DGLUCY: variants seen among roughly 807,000 people sequenced by gnomAD.
DGLUCY encodes the protein D-glutamate cyclase, mitochondrial.
DGLUCY carries 58 observed loss-of-function variants against 58.5 expected under a neutral mutation model. The observed-to-expected ratio is 0.99, with a 90% CI of 0.80 to 1.23. The LOEUF is 1.23. Ranked by LOEUF, DGLUCY falls within the 50% of genes most tolerant of loss-of-function variation. DGLUCY has a pLI of 0.00. For synonymous variants in DGLUCY, 325 were observed against 314.1 expected, an observed-to-expected ratio of 1.03 and a Z score of -0.37; for missense variants, 779 against 784.7, an observed-to-expected ratio of 0.99 and a Z score of 0.09.
At chr14:91,197,055 C>T (rs1220358164) in intron 10 of DGLUCY, among the ~76,000 whole-genome samples, 1 of 152,162 alleles carries the variant, frequency 6.6e-6, no homozygotes, top group Non-Finnish European at 1.5e-5. Context: ...CAACCTCCGC[C>T]TCCCAGGTGC....
chr14:91,193,714 C>T (rs10137485), intron 9 of DGLUCY, among the ~76,000 whole-genome samples: 3,134 of 152,056 alleles, frequency 0.021, 123 homozygotes, highest in African/African-American at 0.071. Flanking sequence ...TGGTGGCACG[C>T]GCCTGTAGTC....
chr14:91,188,845 A>T, intron 8 of DGLUCY, 65 bp from the exon 9 acceptor site: 1 of 1,478,600 alleles, frequency 6.8e-7, no homozygotes, highest in Non-Finnish European at 9.1e-7. Context: ...ATAAATACAT[A>T]CATACATACA....
intron 8 of DGLUCY, among the ~76,000 whole-genome samples, chr14:91,186,053 G>A (rs1299523083): frequency 2.6e-5 from 4 of 152,076 alleles, no homozygotes; most frequent in African/African-American, 9.7e-5. Flanking sequence ...TGCATTTGAG[G>A]TGCCTGGGGA....
intron 12 of DGLUCY, among the ~76,000 whole-genome samples, chr14:91,207,073 A>G (rs1180234966): frequency 6.9e-6 from 1 of 145,248 alleles, no homozygotes; most frequent in Non-Finnish European, 1.5e-5. Flanking sequence ...GTGGGAGGAG[A>G]ACTTGAGCCC....
intron 1 of DGLUCY, among the ~76,000 whole-genome samples, chr14:91,069,043 T>A (rs2043873142): frequency 6.6e-6 from 1 of 152,226 alleles, no homozygotes; most frequent in South Asian, 2.1e-4. Context: ...TGAAGAGTCA[T>A]TGAGTTATAT....
chr14:91,108,726 T>A (rs2044645181), intron 1 of DGLUCY, among the ~76,000 whole-genome samples: 1 of 152,026 alleles, frequency 6.6e-6, no homozygotes, highest in African/African-American at 2.4e-5. Flanking sequence ...TCAGTAGAGA[T>A]GAGGTTTCAC....
intron 1 of DGLUCY, among the ~76,000 whole-genome samples, chr14:91,142,336 T>C (rs1013708883): frequency 2.0e-5 from 3 of 151,938 alleles, no homozygotes; most frequent in African/African-American, 7.3e-5. Flanking sequence ...CACTCCAGGG[T>C]CCTGGAGAGC....
intron 1 of DGLUCY, among the ~76,000 whole-genome samples, chr14:91,068,154 C>T (rs933287140): frequency 1.3e-5 from 2 of 151,694 alleles, no homozygotes; most frequent in African/African-American, 4.8e-5. Context: ...GCGAAGGGGG[C>T]AGCAGCAAGT....
At chr14:91,084,188 A>G (rs994585784) in intron 1 of DGLUCY, among the ~76,000 whole-genome samples, 23 of 146,006 alleles carry the variant, frequency 1.6e-4, no homozygotes, top group Admixed American at 5.5e-4. Flanking sequence ...AGTTCTCTCC[A>G]CCATCATCTG....
chr14:91,094,255 T>C (rs945183372), intron 1 of DGLUCY, among the ~76,000 whole-genome samples: 3 of 151,298 alleles, frequency 2.0e-5, no homozygotes, highest in African/African-American at 7.3e-5. Context: ...GCCAATATGG[T>C]GAAACCCTGT....
At chr14:91,214,212 T>C (rs1237611110) in intron 12 of DGLUCY, among the ~76,000 whole-genome samples, 2 of 152,094 alleles carry the variant, frequency 1.3e-5, no homozygotes, top group African/African-American at 2.4e-5. Flanking sequence ...ATCTCAGTCA[T>C]AGTGGCCCGT....
intron 9 of DGLUCY, among the ~76,000 whole-genome samples, chr14:91,194,324 C>A (rs546072148): frequency 6.6e-6 from 1 of 152,184 alleles, no homozygotes; most frequent in South Asian, 2.1e-4. Context: ...TAAGTTCAGC[C>A]CCCTTTCCAG....
At chr14:91,170,305 C>A in intron 5 of DGLUCY, 104 bp downstream of exon 5, 1 of 1,266,310 alleles carries the variant, frequency 7.9e-7, no homozygotes, top group East Asian at 2.5e-5. Flanking sequence ...AGGTGGAAAA[C>A]CTAAGCTCCA....
chr14:91,205,358 T>C (rs947957961), intron 12 of DGLUCY, among the ~76,000 whole-genome samples: 4 of 152,106 alleles, frequency 2.6e-5, no homozygotes, highest in African/African-American at 9.7e-5. Context: ...CTACTGTTGC[T>C]CCTCTCCCGC....
intron 1 of DGLUCY, among the ~76,000 whole-genome samples, chr14:91,062,374 C>T (rs890955315): frequency 6.6e-6 from 1 of 150,902 alleles, no homozygotes; most frequent in African/African-American, 2.4e-5. Flanking sequence ...TGGCAAAACC[C>T]TGAATCTACT....
intron 1 of DGLUCY, among the ~76,000 whole-genome samples, chr14:91,079,338 T>G (rs2044085859): frequency 1.3e-5 from 2 of 152,010 alleles, no homozygotes; most frequent in Admixed American, 6.6e-5. Context: ...TAAACATTGT[T>G]TCTTTCTTTT....
At chr14:91,126,396 G>T in intron 1 of DGLUCY, 1 of 72,182 alleles carries the variant, frequency 1.4e-5, no homozygotes, top group Non-Finnish European at 2.5e-5. Context: ...CTCCTGTCAT[G>T]TCTGTGCCTT....
chr14:91,151,648 C>G (rs554525751), intron 1 of DGLUCY, among the ~76,000 whole-genome samples: 79 of 147,182 alleles, frequency 5.4e-4, no homozygotes, highest in African/African-American at 1.9e-3. Flanking sequence ...TTTATTTTTT[C>G]TTTTCTTTTC....
chr14:91,219,850 G>C (rs1809340730), intron 13 of DGLUCY, among the ~76,000 whole-genome samples: 1 of 152,178 alleles, frequency 6.6e-6, no homozygotes, highest in Non-Finnish European at 1.5e-5. Flanking sequence ...TGGAGAACTT[G>C]GTCTTCCTCA....
Sources: gnomAD v4.1 joint callset for allele counts (sites outside exome capture counted in the v4.1 genomes callset) on GRCh38, gnomAD v4.1.1 for gene constraint, MANE v1.5 for transcripts, NCBI Gene and HGNC (gene_info 2026-07-23, HGNC 2026-07-21) for gene names.